Variants in HHIP observed in about 807,000 individuals in gnomAD.
HHIP encodes hedgehog-interacting protein.
Under a neutral mutation model 74.0 loss-of-function variants are expected in HHIP, and 12 were observed. The ratio of observed to expected loss-of-function variants is 0.16; its 90% CI spans 0.10 to 0.26. HHIP has a LOEUF of 0.26. Ranked by LOEUF, HHIP falls within the 10% of genes least tolerant of loss-of-function variation. HHIP has a pLI of 1.00. For synonymous variants in HHIP, 309 were observed against 311.6 expected, an observed-to-expected ratio of 0.99 and a Z score of 0.09; for missense variants, 788 against 845.0, an observed-to-expected ratio of 0.93 and a Z score of 0.84.
intron 4 of HHIP, among the ~76,000 whole-genome samples, chr4:144,672,744 C>T (rs977826548): frequency 1.9e-4 from 29 of 152,066 alleles, no homozygotes; most frequent in Admixed American, 1.9e-3. Context: ...CTTTGTCACC[C>T]AGGCTGGAGT....
At chr4:144,707,536 C>T (rs976895860) in intron 6 of HHIP, among the ~76,000 whole-genome samples, 2 of 151,546 alleles carry the variant, frequency 1.3e-5, no homozygotes, top group African/African-American at 4.9e-5. Context: ...TGGCCCTGTA[C>T]AACCATACTG....
At chr4:144,698,104 G>A (rs1004726542) in intron 4 of HHIP, among the ~76,000 whole-genome samples, 2 of 151,992 alleles carry the variant, frequency 1.3e-5, no homozygotes, top group East Asian at 3.9e-4. Flanking sequence ...CGGACCAATC[G>A]CTACATACCA....
At chr4:144,668,430 A>G (rs1195575133) in intron 4 of HHIP, among the ~76,000 whole-genome samples, 2 of 151,974 alleles carry the variant, frequency 1.3e-5, no homozygotes, top group Non-Finnish European at 2.9e-5. Flanking sequence ...AGACATTATC[A>G]GTGAAATGTG....
intron 11 of HHIP, among the ~76,000 whole-genome samples, chr4:144,734,380 T>G (rs1472174): frequency 0.56 from 84,832 of 151,776 alleles, 24,228 homozygotes; most frequent in South Asian, 0.76. Flanking sequence ...AGATATAGGG[T>G]GAAAAGTTTT....
Position 144,666,248 on chromosome 4 carries a change from C to CGT in HHIP, c.831+6456_831+6457dup, listed in dbSNP as rs5862718. Among the ~76,000 whole-genome samples the CGT allele has an allele frequency of 7.5e-4, 108 of 143,366 alleles. 1 individual carries two copies. The highest frequency in any genetic ancestry group is 2.4e-3 in the African/African-American group (92 of 38,526). 94.1% of individuals were successfully genotyped at this position (143,366 alleles called of 152,430 possible). A position where few individuals can be genotyped will look rare whatever the true frequency, so the allele number is the denominator to read the frequency against. Reference sequence around the variant, plus strand: ...GAAGATTGTTTCCTGATACTACAGTCGTGTGTGTGTGTGTGTGTGTGTGTG... The same window carrying CGT: ...GAAGATTGTTTCCTGATACTACAGTCGTGTGTGTGTGTGTGTGTGTGTGTGTG... On this transcript the variant is annotated intron_variant, in intron 4 of 12. Coordinates refer to ENST00000296575, the MANE Select transcript of HHIP (RefSeq NM_022475.3).
Position 144,744,528 on chromosome 4 carries a change from G to C in HHIP, c.*6571G>C, listed in dbSNP as rs1731334013. The C allele has an allele frequency of 6.6e-6, 1 of 152,148 alleles. No homozygotes were observed. Among genetic ancestry groups the C allele is most frequent in the South Asian group, 2.1e-4 (1 of 4,824 alleles). 9.4% of individuals were successfully genotyped at this position (152,148 alleles called of 1,614,324 possible). ...AGTAAAGGCAGGTACAAGTTTAAGG[G>C]AGCAGGGCTATCATATGTACTAGGT... is the stretch of plus-strand genomic sequence containing the variant. On this transcript the variant is annotated 3_prime_UTR_variant, in exon 13 of 13. Coordinates refer to ENST00000296575, the MANE Select transcript of HHIP (RefSeq NM_022475.3).
Position 144,734,793 on chromosome 4 carries a change from A to G in HHIP, c.1813A>G (p.Thr605Ala). 1 of 1,612,130 alleles carries G rather than the reference A, an allele frequency of 6.2e-7. No homozygotes were observed. The highest frequency in any genetic ancestry group is 8.5e-7 in the Non-Finnish European group (1 of 1,178,596). ...RATVQPAQTL[T>A]SECSRLCRNG... ...CACGGTACAACCTGCACAGACACTG[A>G]CTTCAGAGTGCTCCAGGCTCTGTCG... The change falls in exon 12 of 13, where the codon ACT (threonine) becomes GCT (alanine). Residue 605 changes from threonine to alanine, a missense_variant. This residue lies in a region of HHIP where 343 missense variants were observed against 347.9 expected (regional missense o/e 0.99). Transcript: ENST00000296575.
chr4:144,733,628 T>G (rs2126689985), intron 11 of HHIP, among the ~76,000 whole-genome samples: 1 of 152,340 alleles, frequency 6.6e-6, no homozygotes, highest in South Asian at 2.1e-4. Context: ...ACCTTCTTTT[T>G]ATGGTACTTA....
At chr4:144,725,667 T>C (rs1055056821) in intron 11 of HHIP, among the ~76,000 whole-genome samples, 1 of 151,194 alleles carries the variant, frequency 6.6e-6, no homozygotes, top group African/African-American at 2.4e-5. Flanking sequence ...CGCGTGCGTG[T>C]GTGTGTGTGT....
At chr4:144,670,188 C>A (rs1560699521) in intron 4 of HHIP, among the ~76,000 whole-genome samples, 1 of 149,064 alleles carries the variant, frequency 6.7e-6, no homozygotes, top group Admixed American at 6.7e-5. Flanking sequence ...TGGTCCCCCG[C>A]AGTCGCTCAC....
At chr4:144,734,648 G>A in intron 11 of HHIP, 93 bp from the exon 12 acceptor site, 3 of 978,638 alleles carry the variant, frequency 3.1e-6, no homozygotes, top group Non-Finnish European at 4.3e-6. Context: ...TAGAAAGTAA[G>A]AGGCATGCTT....
At chr4:144,667,516 G>A (rs566874550) in intron 4 of HHIP, among the ~76,000 whole-genome samples, 2 of 152,278 alleles carry the variant, frequency 1.3e-5, no homozygotes, top group Admixed American at 6.5e-5. Context: ...CCTAGGATAT[G>A]TTTTCTATTT....
Position 144,682,770 on chromosome 4 carries a change from C to T in HHIP, c.831+22932C>T, listed in dbSNP as rs374592860. ...TAAGAACAAGTTAAAACTGTATTTA[C>T]GTAGGCAAGGATGTGTGAAATATAT... On this transcript the variant is annotated intron_variant, in intron 4 of 12. Transcript: ENST00000296575. Among the ~76,000 whole-genome samples, 35 of 152,302 alleles carry T rather than the reference C, an allele frequency of 2.3e-4. No homozygotes were observed. In the South Asian group the frequency reaches 3.9e-3, roughly 17 times the overall value.
At chr4:144,727,588 G>A (rs1477139111) in intron 11 of HHIP, among the ~76,000 whole-genome samples, 2 of 152,026 alleles carry the variant, frequency 1.3e-5, no homozygotes, top group Non-Finnish European at 2.9e-5. Context: ...AAATACCTAA[G>A]GCAGTTTGAT....
intron 10 of HHIP, among the ~76,000 whole-genome samples, chr4:144,715,988 A>G (rs917337824): frequency 1.3e-5 from 2 of 152,314 alleles, no homozygotes; most frequent in Non-Finnish European, 2.9e-5. Flanking sequence ...CATATAATAT[A>G]CTTCTTGGCA....
intron 4 of HHIP, among the ~76,000 whole-genome samples, chr4:144,668,618 G>T (rs1378895466): frequency 2.0e-5 from 3 of 151,940 alleles, no homozygotes; most frequent in Non-Finnish European, 4.4e-5. Context: ...TGGGTGTGGG[G>T]GTGCACACCT....
rs1369616989 is a variant in HHIP, at chr4:144,742,031, ATG to A, written c.*4078_*4079del. 8.1e-5 allele frequency: 2 copies of A among 24,724 alleles called. No homozygotes were observed. The highest frequency in any genetic ancestry group is 2.1e-4 in the African/African-American group (2 of 9,374). 1.5% of individuals were successfully genotyped at this position (24,724 alleles called of 1,614,324 possible). Reference sequence around the variant, plus strand: ...GCTCTCTCGGCTAATATATATGTGTATGTGTATATATATATGTATGTATATAT... The same window carrying A: ...GCTCTCTCGGCTAATATATATGTGTATGTATATATATATGTATGTATATAT... On this transcript the variant is annotated 3_prime_UTR_variant, in exon 13 of 13. Coordinates refer to ENST00000296575, the MANE Select transcript of HHIP (RefSeq NM_022475.3).
chr4:144,717,115 G>T (rs149847527), intron 10 of HHIP, among the ~76,000 whole-genome samples: 1 of 151,984 alleles, frequency 6.6e-6, no homozygotes, highest in Non-Finnish European at 1.5e-5. Context: ...CTACAACCCT[G>T]TATATACCTC....
chr4:144,711,346 A>G (rs1730296411), intron 7 of HHIP, among the ~76,000 whole-genome samples: 1 of 152,008 alleles, frequency 6.6e-6, no homozygotes, highest in Non-Finnish European at 1.5e-5. Context: ...ATTTTACCTT[A>G]AGTTCTGGGA....
Sources: gnomAD v4.1 joint callset for allele counts (sites outside exome capture counted in the v4.1 genomes callset) on GRCh38, gnomAD v4.1.1 for gene constraint, gnomAD v4.1.1 regional missense constraint, MANE v1.5 for transcripts, NCBI Gene and HGNC (gene_info 2026-07-23, HGNC 2026-07-21) for gene names.